The following AFAP1 variants were observed in gnomAD, a reference collection of about 807,000 sequenced individuals.
AFAP1 encodes actin filament-associated protein 1.
A neutral mutation model predicts 93.9 loss-of-function variants in AFAP1; 75 were observed. The observed-to-expected ratio is 0.80, with a 90% CI of 0.66 to 0.97. The LOEUF (loss-of-function observed/expected upper bound fraction) is 0.97. Among genes scored for constraint, AFAP1 ranks in the 50% least tolerant of loss-of-function variants. The pLI is 0.00. For synonymous variants in AFAP1, 517 were observed against 430.7 expected, an observed-to-expected ratio of 1.20 and a Z score of -2.48; for missense variants, 1,201 against 1,050.8, an observed-to-expected ratio of 1.14 and a Z score of -1.98.
intron 8 of AFAP1, 61 bp downstream of exon 8, chr4:7,815,944 CAAACCTGGCTGTA>C: frequency 7.3e-7 from 1 of 1,367,774 alleles, no homozygotes; most frequent in Non-Finnish European, 1.0e-6. Flanking sequence ...TCAGACTTTA[CAAACCTGGCTGTA>C]GATTTTTGTT....
chr4:7,869,731 G>A lies in AFAP1; in HGVS notation c.128-1012C>T, dbSNP rs574616988. On this transcript the variant is annotated intron_variant, in intron 2 of 17. Coordinates refer to ENST00000420658, the MANE Select transcript of AFAP1 (RefSeq NM_001134647.2). ...ATAATGGGTCCAGTACTACACTAGA[G>A]GCCAGGCATTGAAACATGAAAAGCC... Among the ~76,000 whole-genome samples the A allele has an allele frequency of 7.9e-5, 12 of 152,254 alleles. No individual in the cohort carries two copies. In the South Asian group the frequency reaches 1.7e-3, roughly 21 times the overall value.
At chr4:7,823,107 G>C (rs779869568) in intron 6 of AFAP1, among the ~76,000 whole-genome samples, 1 of 151,912 alleles carries the variant, frequency 6.6e-6, no homozygotes, top group Non-Finnish European at 1.5e-5. Context: ...CTTCTGTGTG[G>C]TCCATAAGGC....
intron 10 of AFAP1, among the ~76,000 whole-genome samples, chr4:7,795,186 T>G (rs2149014597): frequency 6.6e-6 from 1 of 152,260 alleles, no homozygotes; most frequent in South Asian, 2.1e-4. Flanking sequence ...GTTGAGAAAT[T>G]GGCTAGTGAT....
intron 1 of AFAP1, among the ~76,000 whole-genome samples, chr4:7,890,170 C>T (rs1441009160): frequency 6.6e-6 from 1 of 152,190 alleles, no homozygotes; most frequent in Non-Finnish European, 1.5e-5. Flanking sequence ...ATTATCAATA[C>T]AGTGTGGTAT....
intron 4 of AFAP1, among the ~76,000 whole-genome samples, chr4:7,853,931 C>T (rs1212725495): frequency 6.6e-6 from 1 of 152,164 alleles, no homozygotes; most frequent in African/African-American, 2.4e-5. Flanking sequence ...CTGGAGTCAG[C>T]GGCTAAGGAA....
At chr4:7,773,276 C>G (rs1289450295) in intron 15 of AFAP1, 1 of 440,564 alleles carries the variant, frequency 2.3e-6, no homozygotes, top group East Asian at 4.2e-5. Context: ...GCTCCTGGCT[C>G]TGGGCCTCAA....
At chr4:7,784,286 A>C (rs535286054) in intron 12 of AFAP1, among the ~76,000 whole-genome samples, 3 of 152,216 alleles carry the variant, frequency 2.0e-5, no homozygotes, top group African/African-American at 7.2e-5. Flanking sequence ...ATGGGATCCT[A>C]AAGTGGCTCT....
intron 12 of AFAP1, among the ~76,000 whole-genome samples, chr4:7,784,784 G>C (rs536694268): frequency 5.9e-5 from 9 of 152,222 alleles, no homozygotes; most frequent in African/African-American, 2.2e-4. Context: ...TTATGCTCCT[G>C]AGCACTGGGG....
At chr4:7,791,575 G>A (rs1272275223) in intron 11 of AFAP1, among the ~76,000 whole-genome samples, 3 of 152,058 alleles carry the variant, frequency 2.0e-5, no homozygotes, top group African/African-American at 4.8e-5. Context: ...GTAGCATCGC[G>A]GGTCATGCCT....
At chr4:7,825,168 T>C (rs1307300186) in intron 6 of AFAP1, among the ~76,000 whole-genome samples, 1 of 152,248 alleles carries the variant, frequency 6.6e-6, no homozygotes, top group Non-Finnish European at 1.5e-5. Context: ...CTGATGATTA[T>C]TTCCACTTGA....
At chr4:7,809,579 T>A (rs1485156862) in intron 9 of AFAP1, 35 bp downstream of exon 9, 13 of 1,597,368 alleles carry the variant, frequency 8.1e-6, no homozygotes, top group Non-Finnish European at 1.0e-5. Flanking sequence ...CCCACTTAGG[T>A]GCACGCTGCT....
chr4:7,779,143 C>A (rs1716479807), intron 13 of AFAP1: 1 of 413,120 alleles, frequency 2.4e-6, no homozygotes, highest in Non-Finnish European at 4.3e-6. Flanking sequence ...TTTCTACTGG[C>A]AGACCACAAA....
chr4:7,829,729 G>A lies in AFAP1; in HGVS notation c.726+8795C>T, dbSNP rs1454775286. Among the ~76,000 whole-genome samples the A allele has an allele frequency of 3.3e-5, 5 of 152,276 alleles. No homozygotes were observed. The East Asian group carries it at 9.7e-4, about 29-fold the overall frequency. Reference sequence around the variant, plus strand: ...GTTGGCTAACACACTCTATTGGCAAGGCTACAGGAAGAAAAGGCACTCTGA... The same window carrying A: ...GTTGGCTAACACACTCTATTGGCAAAGCTACAGGAAGAAAAGGCACTCTGA... On this transcript the variant is annotated intron_variant, in intron 6 of 17. Coordinates refer to ENST00000420658, the MANE Select transcript of AFAP1 (RefSeq NM_001134647.2).
intron 9 of AFAP1, among the ~76,000 whole-genome samples, chr4:7,802,433 C>T (rs879657141): frequency 7.2e-5 from 11 of 152,192 alleles, no homozygotes; most frequent in Non-Finnish European, 1.5e-4. Flanking sequence ...GTCTCAGAGG[C>T]TTTACTTCTT....
intron 4 of AFAP1, among the ~76,000 whole-genome samples, chr4:7,853,121 G>C (rs111387714): frequency 6.6e-6 from 1 of 152,256 alleles, no homozygotes; most frequent in Admixed American, 6.5e-5. Context: ...TATCAGCCTA[G>C]CAAGGCTGGA....
chr4:7,814,082 A>C (rs1020275533), intron 8 of AFAP1, among the ~76,000 whole-genome samples: 17 of 152,204 alleles, frequency 1.1e-4, no homozygotes, highest in African/African-American at 3.9e-4. Context: ...GGAAAATTAA[A>C]AGTCCAGCCA....
chr4:7,931,312 C>A (rs987291667), intron 1 of AFAP1, among the ~76,000 whole-genome samples: 2 of 152,190 alleles, frequency 1.3e-5, no homozygotes, highest in African/African-American at 4.8e-5. Flanking sequence ...GCCTGTACAC[C>A]TTTGCTAAAA....
intron 1 of AFAP1, among the ~76,000 whole-genome samples, chr4:7,898,837 G>GTA (rs1718946992): frequency 6.6e-6 from 1 of 150,392 alleles, no homozygotes; most frequent in South Asian, 2.1e-4. Flanking sequence ...GTGTGTGTGT[G>GTA]TCTATTTCAT....
chr4:7,889,704 TAA>T (rs79942195), intron 1 of AFAP1, among the ~76,000 whole-genome samples: 1 of 144,640 alleles, frequency 6.9e-6, no homozygotes, highest in Non-Finnish European at 1.5e-5. Flanking sequence ...TTTTTTTTTT[TAA>T]AAAAAGAACA....
Sources: allele counts gnomAD v4.1 joint callset (sites outside exome capture counted in the v4.1 genomes callset), GRCh38; gene constraint gnomAD v4.1.1; transcripts MANE v1.5; gene names NCBI Gene and HGNC (gene_info 2026-07-23, HGNC 2026-07-21).